Variants in INSYN2B observed in about 807,000 individuals in gnomAD.
INSYN2B encodes the protein protein INSYN2B.
Under a neutral mutation model 41.2 loss-of-function variants are expected in INSYN2B, and 16 were observed. The observed-to-expected ratio is 0.39, with a 90% CI of 0.26 to 0.59. INSYN2B has a LOEUF of 0.59. Among genes scored for constraint, INSYN2B ranks in the 20% least tolerant of loss-of-function variants. The pLI, the probability that INSYN2B is intolerant of heterozygous loss-of-function variation, is 0.57. For synonymous variants in INSYN2B, 245 were observed against 244.4 expected, an observed-to-expected ratio of 1.00 and a Z score of -0.02; for missense variants, 608 against 646.4, an observed-to-expected ratio of 0.94 and a Z score of 0.64.
intron 1 of INSYN2B, among the ~76,000 whole-genome samples, chr5:169,954,241 C>T (rs1051560166): frequency 1.3e-5 from 2 of 152,170 alleles, no homozygotes; most frequent in African/African-American, 4.8e-5. Context: ...CCTTAGCAAT[C>T]GCTGGACATT....
rs1399399548 is a variant in INSYN2B at position 169,863,958 on chromosome 5, T to C, written c.*315A>G. Among the ~76,000 whole-genome samples, 1 of 152,080 alleles carries C rather than the reference T, an allele frequency of 6.6e-6. No homozygotes were observed. Among genetic ancestry groups the C allele is most frequent in the Non-Finnish European group, 1.5e-5 (1 of 68,018 alleles). On this transcript the variant is annotated 3_prime_UTR_variant, in exon 4 of 4. Coordinates refer to ENST00000377365, the MANE Select transcript of INSYN2B (RefSeq NM_001129891.3). The stretch of plus-strand genomic sequence containing the variant: ...ATCTTGGAGGTGTTGGAAGGTGTAG[T>C]GTGGGGTTTTGCTCGTGGTGGGAAT...
intron 1 of INSYN2B, among the ~76,000 whole-genome samples, chr5:169,907,309 T>C (rs1296101290): frequency 6.6e-6 from 1 of 152,202 alleles, no homozygotes; most frequent in African/African-American, 2.4e-5. Flanking sequence ...AGGAGAAGAT[T>C]CTGCTTTCAT....
intron 1 of INSYN2B, among the ~76,000 whole-genome samples, chr5:169,955,436 C>T (rs917144542): frequency 6.6e-6 from 1 of 152,058 alleles, no homozygotes; most frequent in Non-Finnish European, 1.5e-5. Flanking sequence ...GAGGATGCGC[C>T]CCTGGACAGT....
At chr5:169,878,574 A>C (rs1022967594) in intron 3 of INSYN2B, among the ~76,000 whole-genome samples, 1 of 152,238 alleles carries the variant, frequency 6.6e-6, no homozygotes, top group Non-Finnish European at 1.5e-5. Context: ...AGCCAGCATT[A>C]GGAAGGTTTT....
Position 169,882,844 on chromosome 5 carries a change from G to GTCTCT in INSYN2B, c.1054_1055insAGAGA (p.Pro352GlnfsTer85), listed in dbSNP as rs1772738033. The GTCTCT allele has an allele frequency of 1.3e-6, 2 of 1,551,030 alleles. No individual in the cohort carries two copies. Among genetic ancestry groups the GTCTCT allele is most frequent in the African/African-American group, 2.7e-5 (2 of 72,996 alleles). On this transcript the variant is annotated frameshift_variant, in exon 2 of 4. Coordinates refer to ENST00000377365, the MANE Select transcript of INSYN2B (RefSeq NM_001129891.3). LOFTEE classifies it high-confidence loss of function. ...GTTTGCCGTCTGCTCCTGACACCCA[G>GTCTCT]GGGCAGATTTCGATGCACTGTTAGT...
In INSYN2B at chr5:169,861,831, C is replaced by T. The variant is rs1771216238; in HGVS notation, c.*2442G>A. Among the ~76,000 whole-genome samples the T allele has an allele frequency of 6.6e-6, 1 of 152,168 alleles. No individual in the cohort carries two copies. The highest frequency in any genetic ancestry group is 2.4e-5 in the African/African-American group (1 of 41,440). On this transcript the variant is annotated 3_prime_UTR_variant, in exon 4 of 4. Coordinates refer to ENST00000377365, the MANE Select transcript of INSYN2B (RefSeq NM_001129891.3). ...CTCCTTCCCAGTTTCAGGTCAGTGG[C>T]CCAAGCAATGCGGTGTTGTGCTTTG...
chr5:169,952,665 C>T (rs1485542211), intron 1 of INSYN2B, among the ~76,000 whole-genome samples: 2 of 152,172 alleles, frequency 1.3e-5, no homozygotes, highest in African/African-American at 4.8e-5. Context: ...CAGCACCCCA[C>T]CTGCTTTTCC....
intron 3 of INSYN2B, among the ~76,000 whole-genome samples, chr5:169,878,388 A>G (rs1376821111): frequency 6.6e-6 from 1 of 152,238 alleles, no homozygotes; most frequent in Non-Finnish European, 1.5e-5. Flanking sequence ...AACAGGCAAT[A>G]TCACTTTTGG....
intron 1 of INSYN2B, among the ~76,000 whole-genome samples, chr5:169,962,234 G>A (rs1000041994): frequency 6.6e-6 from 1 of 152,138 alleles, no homozygotes; most frequent in Non-Finnish European, 1.5e-5. Context: ...GGCTATTGCT[G>A]TAGTATAAGG....
intron 1 of INSYN2B, among the ~76,000 whole-genome samples, chr5:169,950,229 G>A (rs149331288): frequency 6.6e-6 from 1 of 152,272 alleles, no homozygotes; most frequent in African/African-American, 2.4e-5. Context: ...CCCAGCTCTA[G>A]CTCCATGCCC....
At chr5:169,934,739 C>T (rs1296489707) in intron 1 of INSYN2B, 1 of 456,150 alleles carries the variant, frequency 2.2e-6, no homozygotes, top group South Asian at 1.5e-5. Context: ...CAGGGCTGCT[C>T]ACGGGATCAG....
At chr5:169,929,979 GTTTA>G (rs755922614) in intron 1 of INSYN2B, among the ~76,000 whole-genome samples, 19 of 151,354 alleles carry the variant, frequency 1.3e-4, no homozygotes, top group East Asian at 1.2e-3. Context: ...AACTTTATTT[GTTTA>G]TTTATTTATT....
At chr5:169,885,516 A>C (rs1159518161) in intron 1 of INSYN2B, among the ~76,000 whole-genome samples, 2 of 152,200 alleles carry the variant, frequency 1.3e-5, no homozygotes, top group African/African-American at 4.8e-5. Context: ...TTCTCCCCTG[A>C]TGTCTTCATT....
rs114876159 is a variant in INSYN2B at position 169,925,105 on chromosome 5, C to A, written c.-918-40289G>T. On this transcript the variant is annotated intron_variant, in intron 1 of 3. Coordinates refer to ENST00000377365, the MANE Select transcript of INSYN2B (RefSeq NM_001129891.3). ...TCTTTTTCTTCACTATCCACCCCAA[C>A]CCCCCATTCATCTGTTCTTTTTATG... is the stretch of plus-strand genomic sequence containing the variant. 3.8e-3 allele frequency among the ~76,000 whole-genome samples: 576 copies of A among 152,208 alleles called. 3 individuals carry two copies. The highest frequency in any genetic ancestry group is 0.013 in the African/African-American group (553 of 41,498).
Position 169,862,262 on chromosome 5 carries a change from T to C in INSYN2B, c.*2011A>G, listed in dbSNP as rs1771249186. Among the ~76,000 whole-genome samples the C allele has an allele frequency of 6.6e-6, 1 of 152,230 alleles. No individual in the cohort carries two copies. The highest frequency in any genetic ancestry group is 6.5e-5 in the Admixed American group (1 of 15,280). ...ATTTAAGCCATTTGCCAAAGGCTAG[T>C]GGTATAGACTGCTTGGTTGCCTGGA... is the stretch of plus-strand genomic sequence containing the variant. On this transcript the variant is annotated 3_prime_UTR_variant, in exon 4 of 4. Coordinates refer to ENST00000377365, the MANE Select transcript of INSYN2B (RefSeq NM_001129891.3).
chr5:169,924,776 T>C (rs1480164240), intron 1 of INSYN2B, among the ~76,000 whole-genome samples: 1 of 152,204 alleles, frequency 6.6e-6, no homozygotes, highest in Admixed American at 6.5e-5. Flanking sequence ...CTTTTCTTTT[T>C]TCATCAATCT....
chr5:169,951,560 A>C lies in INSYN2B; in HGVS notation c.-919+28717T>G, dbSNP rs1389885852. On this transcript the variant is annotated intron_variant, in intron 1 of 3. Transcript: ENST00000377365. ...GACATGGACACCTGCCTTGGATCAC[A>C]CCCTGATCAGACCAGTGCACCCATT... Among the ~76,000 whole-genome samples the C allele has an allele frequency of 3.9e-5, 6 of 152,344 alleles. No individual in the cohort carries two copies. In the East Asian group the frequency reaches 9.6e-4, roughly 24 times the overall value.
chr5:169,868,178 C>A (rs1222806425), intron 3 of INSYN2B, among the ~76,000 whole-genome samples: 1 of 152,172 alleles, frequency 6.6e-6, no homozygotes, highest in Non-Finnish European at 1.5e-5. Context: ...TACCAGGTTC[C>A]AGGAACACAA....
intron 3 of INSYN2B, among the ~76,000 whole-genome samples, chr5:169,869,246 T>A (rs1771788948): frequency 6.6e-6 from 1 of 152,222 alleles, no homozygotes; most frequent in South Asian, 2.1e-4. Flanking sequence ...ACACTCTTTA[T>A]GTTTCTATGG....
Sources: gnomAD v4.1 joint callset for allele counts (sites outside exome capture counted in the v4.1 genomes callset) on GRCh38, gnomAD v4.1.1 for gene constraint, MANE v1.5 for transcripts, NCBI Gene and HGNC (gene_info 2026-07-23, HGNC 2026-07-21) for gene names.